INSL6: variants seen among roughly 807,000 people sequenced by gnomAD.
INSL6 encodes insulin-like peptide INSL6.
INSL6 carries 16 observed loss-of-function variants against 9.4 expected under a neutral mutation model. That is an observed-to-expected ratio of 1.70 (90% CI 1.15 to 2.59). The LOEUF is 2.59. Ranked by LOEUF, INSL6 falls within the 30% of genes most tolerant of loss-of-function variation. INSL6 has a pLI of 0.00. For synonymous variants in INSL6, 154 were observed against 96.9 expected (o/e 1.59, Z -3.46); for missense variants, 391 against 257.3 (o/e 1.52, Z -3.56).
chr9:5,021,838 G>A, the INSL6 span: 3 of 604,568 alleles, frequency 5.0e-6, no homozygotes, highest in Non-Finnish European at 8.8e-6. Context: ...TCACCATGTT[G>A]CTGAGGCTTG....
intron 3 of INSL6, chr9:5,127,780 G>A (rs1158875888): frequency 1.3e-5 from 3 of 232,522 alleles, no homozygotes; most frequent in African/African-American, 6.6e-5. Flanking sequence ...ATTAAGAAGT[G>A]CAGCAGGTTA....
the INSL6 span, among the ~76,000 whole-genome samples, chr9:5,061,584 G>A: frequency 6.6e-5 from 10 of 152,272 alleles, no homozygotes; most frequent in East Asian, 1.9e-4. Context: ...AAGAGCATTA[G>A]GGTCTTGCTC....
chr9:5,154,181 C>T (rs1254318050), intron 2 of INSL6, among the ~76,000 whole-genome samples: 1 of 152,182 alleles, frequency 6.6e-6, no homozygotes, highest in Non-Finnish European at 1.5e-5. Flanking sequence ...CATCTACAAC[C>T]ATCTGATCTT....
chr9:5,086,182 G>T, the INSL6 span: 1 of 483,284 alleles, frequency 2.1e-6, no homozygotes, highest in Non-Finnish European at 2.8e-6. Flanking sequence ...CCGGTCTCCA[G>T]CAACAGCCGC....
At chr9:5,021,681 C>T in the INSL6 span, among the ~76,000 whole-genome samples, 2 of 152,062 alleles carry the variant, frequency 1.3e-5, no homozygotes, top group African/African-American at 2.4e-5. Context: ...GACTGGAGTG[C>T]GGTGGAGTGC....
At chr9:5,050,742 G>C in the INSL6 span, 6 of 1,613,764 alleles carry the variant, frequency 3.7e-6, no homozygotes, top group Non-Finnish European at 8.5e-7. Flanking sequence ...ATGAAACACA[G>C]GAAGAATGTC....
the INSL6 span, chr9:5,085,699 C>G: frequency 5.4e-6 from 4 of 744,486 alleles, no homozygotes; most frequent in East Asian, 9.8e-5. Flanking sequence ...TCATCGTGAA[C>G]AAGACTAGCA....
chr9:5,028,759 C>G, the INSL6 span, among the ~76,000 whole-genome samples: 6 of 152,180 alleles, frequency 3.9e-5, no homozygotes, highest in South Asian at 2.1e-4. Flanking sequence ...ATGAACCAGC[C>G]TCTACTAGCT....
the INSL6 span, among the ~76,000 whole-genome samples, chr9:5,033,933 G>A: frequency 6.6e-6 from 1 of 152,126 alleles, no homozygotes; most frequent in African/African-American, 2.4e-5. Context: ...CCAATTAAAA[G>A]ACACAGACTG....
chr9:5,131,966 G>A (rs1050604513), intron 3 of INSL6: 1 of 152,126 alleles, frequency 6.6e-6, no homozygotes, highest in Non-Finnish European at 1.5e-5. Context: ...TAATTTTGAA[G>A]ACAGTGTGAA....
chr9:5,084,450 A>G, the INSL6 span, among the ~76,000 whole-genome samples: 6 of 152,192 alleles, frequency 3.9e-5, no homozygotes, highest in South Asian at 1.2e-3. Context: ...ATCCTTTTCA[A>G]TTAGTGGTAT....
chr9:5,014,456 T>A, the INSL6 span, among the ~76,000 whole-genome samples: 1 of 152,212 alleles, frequency 6.6e-6, no homozygotes, highest in South Asian at 2.1e-4. Context: ...ACATTAAGGT[T>A]CTTACCTTCA....
At chr9:5,133,219 T>A (rs138646524) in intron 3 of INSL6, among the ~76,000 whole-genome samples, 1 of 150,958 alleles carries the variant, frequency 6.6e-6, no homozygotes, top group Admixed American at 6.6e-5. Context: ...GGTGGGAAAG[T>A]TGGGGGAGGA....
chr9:5,060,542 A>G, the INSL6 span, among the ~76,000 whole-genome samples: 1 of 152,346 alleles, frequency 6.6e-6, no homozygotes, highest in Admixed American at 6.5e-5. Context: ...TTTATGCATA[A>G]GAAGCAACTT....
downstream of INSL6, among the ~76,000 whole-genome samples, chr9:5,163,376 CTCTTT>C (rs1343064078): frequency 3.9e-5 from 6 of 152,164 alleles, no homozygotes; most frequent in Non-Finnish European, 8.8e-5. Flanking sequence ...TCACTAAACT[CTCTTT>C]TAAGTTCTCA....
the INSL6 span, among the ~76,000 whole-genome samples, chr9:5,030,270 T>G: frequency 6.6e-6 from 1 of 152,196 alleles, no homozygotes; most frequent in Non-Finnish European, 1.5e-5. Context: ...ATCTTATCTT[T>G]ATAAAGAACT....
At chr9:5,032,338 C>G in the INSL6 span, among the ~76,000 whole-genome samples, 1 of 152,230 alleles carries the variant, frequency 6.6e-6, no homozygotes, top group East Asian at 1.9e-4. Context: ...CATAGCCAAA[C>G]AAAAGGCAGC....
the INSL6 span, among the ~76,000 whole-genome samples, chr9:5,048,354 G>T: frequency 6.6e-6 from 1 of 152,010 alleles, no homozygotes; most frequent in Admixed American, 6.6e-5. Context: ...TGTTGGCCAG[G>T]CTGGTCTCGA....
chr9:5,172,915 A>G (rs1026662319), intron 1 of INSL6, among the ~76,000 whole-genome samples: 1 of 152,000 alleles, frequency 6.6e-6, no homozygotes, highest in Admixed American at 6.6e-5. Flanking sequence ...GTGACAAAGC[A>G]AGACTCCACC....
Sources: gnomAD v4.1 joint callset for allele counts (sites outside exome capture counted in the v4.1 genomes callset) on GRCh38, gnomAD v4.1.1 for gene constraint, MANE v1.5 for transcripts, NCBI Gene and HGNC (gene_info 2026-07-23, HGNC 2026-07-21) for gene names.